Variants in ITFG2 observed in about 807,000 individuals in gnomAD.
ITFG2 encodes the protein integrin alpha FG-GAP repeat containing 2, also known as KICSTOR complex protein ITFG2.
Under a neutral mutation model 54.4 loss-of-function variants are expected in ITFG2, and 36 were observed. The ratio of observed to expected loss-of-function variants is 0.66; its 90% CI spans 0.51 to 0.87. ITFG2 has a LOEUF of 0.87. Ranked by LOEUF, ITFG2 falls within the 40% of genes least tolerant of loss-of-function variation. The pLI is 0.00. For missense variants in ITFG2, 524 were observed against 576.7 expected (o/e 0.91, Z 0.94); for synonymous variants, 211 against 225.4 (o/e 0.94, Z 0.57).
At chr12:2,816,360 C>T (rs1288821287) in intron 1 of ITFG2, among the ~76,000 whole-genome samples, 8 of 137,256 alleles carry the variant, frequency 5.8e-5, no homozygotes, top group East Asian at 2.3e-4. Context: ...GACAGAGTCT[C>T]GCTCTGTCGC....
downstream of ITFG2, chr12:2,827,142 C>T (rs963682706): frequency 1.6e-5 from 26 of 1,608,616 alleles, no homozygotes; most frequent in East Asian, 6.7e-5. The surrounding 1 kb of genome is among the most constrained non-coding windows in gnomAD (Gnocchi z 4.0). Flanking sequence ...CAAGAGCCCC[C>T]GTTCCCCACA....
chr12:2,840,277 C>T (rs1408502899), intron 1 of ITFG2, among the ~76,000 whole-genome samples: 1 of 151,512 alleles, frequency 6.6e-6, no homozygotes, highest in Non-Finnish European at 1.5e-5. Flanking sequence ...GGTGAAACCC[C>T]GTCTCTACTA....
At chr12:2,841,314 T>C (rs1033768423) in intron 2 of ITFG2, among the ~76,000 whole-genome samples, 6 of 152,200 alleles carry the variant, frequency 3.9e-5, no homozygotes, top group African/African-American at 1.4e-4. Flanking sequence ...GATCACGGAG[T>C]ACCACTGAGT....
At chr12:2,815,748 G>T (rs1007049468) in intron 1 of ITFG2, among the ~76,000 whole-genome samples, 1 of 152,172 alleles carries the variant, frequency 6.6e-6, no homozygotes, top group Non-Finnish European at 1.5e-5. Flanking sequence ...CTTTTCTGGG[G>T]TGGGCCATAG....
upstream of ITFG2, chr12:2,835,020 T>C (rs765819041): frequency 1.3e-5 from 19 of 1,515,910 alleles, no homozygotes; most frequent in Non-Finnish European, 1.5e-5. Flanking sequence ...TTTCCCGAGA[T>C]TGCTGTAGAG....
In ITFG2 at chr12:2,845,079, A is replaced by G. The variant is rs1047868758; in HGVS notation, n.300+4084A>G. On this transcript the variant is annotated intron_variant and non_coding_transcript_variant, in intron 2 of 3. Coordinates refer to the ITFG2 transcript ENST00000537710. This position sits in a 1 kb window ranked among gnomAD's most constrained non-coding sequence, Gnocchi z 4.2. ...TGATGGCAGGTGGGCAGCAGCCACT[A>G]TTGACACTGTGTAATGAAAAGAGCA... is the stretch of plus-strand genomic sequence containing the variant. Among the ~76,000 whole-genome samples the G allele has an allele frequency of 4.6e-5, 7 of 152,158 alleles. No individual in the cohort carries two copies. Among genetic ancestry groups the G allele is most frequent in the South Asian group, 2.1e-4 (1 of 4,824 alleles).
At chr12:2,820,971 G>A in intron 6 of ITFG2, 99 bp downstream of exon 6, 6 of 1,295,070 alleles carry the variant, frequency 4.6e-6, no homozygotes, top group Non-Finnish European at 6.5e-6. Context: ...AGTTGGCAGA[G>A]CTGCCTCATC....
In ITFG2 at chr12:2,812,866, T is replaced by G. The variant is rs374716504; in HGVS notation, c.96+10T>G. ...CGTTGATAACGATACGGTAGGTGCATGCGCACCGCAAGAGACAGCCTGGAT... is the reference window on the plus strand; with the variant it reads ...CGTTGATAACGATACGGTAGGTGCAGGCGCACCGCAAGAGACAGCCTGGAT... On this transcript the variant is annotated intron_variant, in intron 1 of 11. Coordinates refer to ENST00000228799, the MANE Select transcript of ITFG2 (RefSeq NM_018463.4). 6.2e-7 allele frequency: 1 copy of G among 1,600,076 alleles called. No homozygotes were observed. The highest frequency in any genetic ancestry group is 1.1e-5 in the South Asian group (1 of 90,838).
intron 1 of ITFG2, 121 bp from the exon 2 acceptor site, chr12:2,817,102 T>C (rs1393474774): frequency 4.7e-6 from 3 of 639,398 alleles, no homozygotes; most frequent in Non-Finnish European, 8.5e-6. Context: ...AGACTTTTAA[T>C]AAAGTAGATG....
chr12:2,848,877 G>GCGCACA (rs1555092608), intron 2 of ITFG2, among the ~76,000 whole-genome samples: 1,412 of 140,356 alleles, frequency 0.01, 21 homozygotes, highest in African/African-American at 0.036. Flanking sequence ...ACACACACAC[G>GCGCACA]CACACACACA....
chr12:2,835,072 G>C (rs1408901494), upstream of ITFG2: 1 of 1,441,432 alleles, frequency 6.9e-7, no homozygotes, highest in Non-Finnish European at 9.1e-7. Context: ...CTAGAAGAGA[G>C]GGAGGGTTGG....
upstream of ITFG2, chr12:2,834,812 T>C: frequency 6.2e-7 from 1 of 1,613,592 alleles, no homozygotes; most frequent in Non-Finnish European, 8.5e-7. Context: ...TCATCTCTCC[T>C]GGCCTCCTGC....
downstream of ITFG2, among the ~76,000 whole-genome samples, chr12:2,828,874 C>A (rs1444460557): frequency 6.6e-6 from 1 of 151,962 alleles, no homozygotes; most frequent in African/African-American, 2.4e-5. Flanking sequence ...TTTTATGAGA[C>A]TCATACAATA....
At chr12:2,827,290 C>T (rs1310090785), downstream of ITFG2, 6 of 1,613,710 alleles carry the variant, frequency 3.7e-6, no homozygotes, top group Admixed American at 3.3e-5. This position sits in a 1 kb window ranked among gnomAD's most constrained non-coding sequence, Gnocchi z 4.0. Context: ...TGCTCCAGGT[C>T]GATGCAGCAC....
chr12:2,827,962 C>T (rs1282718274), downstream of ITFG2: 6 of 1,614,082 alleles, frequency 3.7e-6, no homozygotes, highest in Non-Finnish European at 5.1e-6. This position sits in a 1 kb window ranked among gnomAD's most constrained non-coding sequence, Gnocchi z 4.0. Flanking sequence ...GTCTCCTGCC[C>T]CAGCTGTAGC....
intron 2 of ITFG2, chr12:2,857,223 T>A: frequency 5.1e-6 from 3 of 593,566 alleles, no homozygotes; most frequent in Non-Finnish European, 9.0e-6. Context: ...GATAGCACTT[T>A]CTTCAAGTTC....
intron 1 of ITFG2, 124 bp downstream of exon 1, chr12:2,812,980 G>A: frequency 2.6e-6 from 2 of 758,366 alleles, no homozygotes; most frequent in Non-Finnish European, 4.4e-6. Flanking sequence ...AGTTTGGAGC[G>A]CTAGAGAGAA....
intron 2 of ITFG2, among the ~76,000 whole-genome samples, chr12:2,852,557 G>T (rs116763777): frequency 6.6e-6 from 1 of 151,924 alleles, no homozygotes. Flanking sequence ...TTGTGGAGAC[G>T]GGGTCTCATA....
Position 2,830,585 on chromosome 12 carries a change from T to G in ITFG2, c.*60-249T>G, listed in dbSNP as rs971345269. ...TAGAGGATCCTGGTTAGGTCCAGGCTAGGGAGAGAGGTGCCCTTTCTCCCT... is the reference window on the plus strand; with the variant it reads ...TAGAGGATCCTGGTTAGGTCCAGGCGAGGGAGAGAGGTGCCCTTTCTCCCT... On this transcript the variant is annotated intron_variant and NMD_transcript_variant, in intron 2 of 2. Transcript: ENST00000538822. The G allele has an allele frequency of 2.6e-5, 28 of 1,072,774 alleles. No homozygotes were observed. The East Asian group carries it at 7.4e-4, about 28-fold the overall frequency. 66.5% of individuals were successfully genotyped at this position (1,072,774 alleles called of 1,614,324 possible). A position where few individuals can be genotyped will look rare whatever the true frequency, so the allele number is the denominator to read the frequency against.
Sources: gnomAD v4.1 joint callset for allele counts (sites outside exome capture counted in the v4.1 genomes callset) on GRCh38, gnomAD v4.1.1 for gene constraint, Gnocchi (gnomAD v3.1) non-coding constraint, MANE v1.5 for transcripts, NCBI Gene and HGNC (gene_info 2026-07-23, HGNC 2026-07-21) for gene names.